PRRC2B: variants seen among roughly 807,000 people sequenced by gnomAD.
PRRC2B encodes the protein protein PRRC2B.
A neutral mutation model predicts 242.3 loss-of-function variants in PRRC2B; 68 were observed. The ratio of observed to expected loss-of-function variants is 0.28; its 90% CI spans 0.23 to 0.34. PRRC2B has a LOEUF of 0.34. PRRC2B is among the 10% of genes least tolerant of loss of function. The pLI is 1.00. For missense variants in PRRC2B, 2,835 were observed against 2,954.8 expected, an observed-to-expected ratio of 0.96 and a Z score of 0.94; for synonymous variants, 1,228 against 1,173.6, an observed-to-expected ratio of 1.05 and a Z score of -0.95.
At chr9:131,423,997 C>T (rs979874534) in intron 1 of PRRC2B, among the ~76,000 whole-genome samples, 1 of 152,080 alleles carries the variant, frequency 6.6e-6, no homozygotes, top group East Asian at 1.9e-4. Flanking sequence ...GTGCAGTGGC[C>T]CAATCTCCGT....
chr9:131,447,273 G>A (rs1838833800), intron 8 of PRRC2B, 67 bp downstream of exon 8: 6 of 1,584,114 alleles, frequency 3.8e-6, no homozygotes, highest in Non-Finnish European at 5.2e-6. Flanking sequence ...TCAAGATGAG[G>A]GGCTGATGAA....
chr9:131,484,042 A>G (rs1943946678), intron 23 of PRRC2B, among the ~76,000 whole-genome samples: 2 of 152,230 alleles, frequency 1.3e-5, no homozygotes, highest in Middle Eastern at 3.2e-3. Context: ...GTGCTGTACA[A>G]TATTCATAGG....
chr9:131,496,901 G>C lies in PRRC2B; in HGVS notation c.*1027G>C, dbSNP rs1408502916. 1 of 152,312 alleles carries C rather than the reference G, an allele frequency of 6.6e-6. No homozygotes were observed. The highest frequency in any genetic ancestry group is 1.5e-5 in the Non-Finnish European group (1 of 68,090). The allele number at this position is 152,312 out of a possible 1,614,324, so 9.4% of individuals were successfully genotyped here. A position where few individuals can be genotyped will look rare whatever the true frequency, so the allele number is the denominator to read the frequency against. On this transcript the variant is annotated 3_prime_UTR_variant, in exon 32 of 32. Transcript: ENST00000683519. ...CTTCTGGGGCTCCATACCCTGCCCT[G>C]CAGGGGTGCTGTGTTTTTCACACAT...
intron 2 of PRRC2B, among the ~76,000 whole-genome samples, chr9:131,430,505 A>ATATCTATAGATAGATAGATAGATATC (rs1373531458): frequency 3.7e-5 from 2 of 53,488 alleles, no homozygotes; most frequent in African/African-American, 9.8e-5. Flanking sequence ...ATATCTATAG[A>ATATCTATAGATAGATAGATAGATATC]TATCTATAGA....
At chr9:131,489,713 T>C (rs370628741) in intron 28 of PRRC2B, among the ~76,000 whole-genome samples, 67 of 152,338 alleles carry the variant, frequency 4.4e-4, no homozygotes, top group African/African-American at 1.5e-3. Context: ...CAAGCCCCTG[T>C]GGCCACATCC....
intron 22 of PRRC2B, 61 bp from the exon 23 acceptor site, chr9:131,483,298 T>C: frequency 1.4e-6 from 2 of 1,479,016 alleles, no homozygotes; most frequent in Non-Finnish European, 1.9e-6. Context: ...AATGTATGCC[T>C]CTGGGGAATG....
chr9:131,461,739 C>T (rs1033751930), intron 11 of PRRC2B, among the ~76,000 whole-genome samples: 2 of 152,164 alleles, frequency 1.3e-5, no homozygotes, highest in African/African-American at 4.8e-5. Flanking sequence ...CAGGGTTTTG[C>T]CATGTTGGCC....
At chr9:131,464,203 A>G (rs1388676990) in intron 11 of PRRC2B, among the ~76,000 whole-genome samples, 4 of 152,198 alleles carry the variant, frequency 2.6e-5, no homozygotes, top group African/African-American at 9.7e-5. Context: ...CAGACTCCCA[A>G]AGTGCTGGGA....
chr9:131,487,072 G>A lies in PRRC2B; in HGVS notation c.5857-95G>A. The A allele has an allele frequency of 9.1e-7, 1 of 1,093,506 alleles. No individual in the cohort carries two copies. The highest frequency in any genetic ancestry group is 1.4e-6 in the Non-Finnish European group (1 of 731,074). The allele number at this position is 1,093,506 out of a possible 1,614,324, so 67.7% of individuals were successfully genotyped here. On this transcript the variant is annotated intron_variant, in intron 26 of 31. Transcript: ENST00000683519. This position sits in a 1 kb window ranked among gnomAD's most constrained non-coding sequence, Gnocchi z 5.3. ...CATTTGAATTTTGGGCAGTGTTCCA[G>A]CAGCCATGTGGAGAGGGGCAGGGGA... is the stretch of plus-strand genomic sequence containing the variant.
In PRRC2B at chr9:131,475,027, AG is replaced by A. The variant is rs750109987; in HGVS notation, c.2902del (p.Glu968ArgfsTer77). On this transcript the variant is annotated frameshift_variant, in exon 16 of 32. Transcript: ENST00000683519. LOFTEE classifies it high-confidence loss of function. ...KELEKIKQEL[G>X]EESTRLAKEK... ...AGCTTGAGAAGATTAAGCAGGAGCT[AG>A]GGGAGGAGAGTACCCGGCTGGCCAA... 6.2e-7 allele frequency: 1 copy of A among 1,607,952 alleles called. No individual in the cohort carries two copies. Among genetic ancestry groups the A allele is most frequent in the East Asian group, 2.2e-5 (1 of 44,632 alleles).
At chr9:131,442,610 C>T (rs569318317) in intron 5 of PRRC2B, among the ~76,000 whole-genome samples, 1 of 152,278 alleles carries the variant, frequency 6.6e-6, no homozygotes, top group South Asian at 2.1e-4. Flanking sequence ...GCCTTTCCGG[C>T]ACAGTCGGCT....
At chr9:131,411,261 G>GGAA (rs1214928081) in intron 1 of PRRC2B, among the ~76,000 whole-genome samples, 3 of 151,894 alleles carry the variant, frequency 2.0e-5, no homozygotes, top group African/African-American at 7.3e-5. Flanking sequence ...TGTCGGCAGG[G>GGAA]GAAGAAAGCT....
intron 1 of PRRC2B, among the ~76,000 whole-genome samples, chr9:131,380,347 G>A (rs1450814711): frequency 1.3e-5 from 2 of 151,986 alleles, no homozygotes; most frequent in Non-Finnish European, 2.9e-5. Context: ...CGAGGCCGAG[G>A]CGAGCAGGTC....
rs1448047888 is a variant in PRRC2B, at chr9:131,467,589, A to ACCC, written c.1750_1752dup (p.Pro584dup). 1 of 1,610,700 alleles carries ACCC rather than the reference A, an allele frequency of 6.2e-7. No homozygotes were observed. The highest frequency in any genetic ancestry group is 1.3e-5 in the African/African-American group (1 of 74,620). ...CTCCCCAGAATTCCCTGCCCAAGAGACCCCCACCACATTCCCAGAAGAGGC... is the reference window on the plus strand; with the variant it reads ...CTCCCCAGAATTCCCTGCCCAAGAGACCCCCCCCACCACATTCCCAGAAGAGGC... On this transcript the variant is annotated inframe_insertion, in exon 13 of 32. Coordinates refer to ENST00000683519, the MANE Select transcript of PRRC2B (RefSeq NM_013318.4).
chr9:131,487,731 C>T lies in PRRC2B; in HGVS notation c.5985-125C>T, dbSNP rs145982693. 4.2e-4 allele frequency: 543 copies of T among 1,289,542 alleles called. 4 individuals carry two copies. In the African/African-American group the frequency reaches 6.9e-3, roughly 16 times the overall value. The allele number at this position is 1,289,542 out of a possible 1,614,324, so 79.9% of individuals were successfully genotyped here. On this transcript the variant is annotated intron_variant, in intron 27 of 31. Coordinates refer to ENST00000683519, the MANE Select transcript of PRRC2B (RefSeq NM_013318.4). This position sits in a 1 kb window ranked among gnomAD's most constrained non-coding sequence, Gnocchi z 5.3. ...AGGCCCCATCCTGGACCCTCTGAGT[C>T]GCGCTCTGGGGGTGGGGCCGGGGAT...
chr9:131,494,386 C>T lies in PRRC2B; in HGVS notation c.6474-19C>T. 1.4e-6 allele frequency: 2 copies of T among 1,459,104 alleles called. No individual in the cohort carries two copies. Among genetic ancestry groups the T allele is most frequent in the Non-Finnish European group, 1.9e-6 (2 of 1,054,368 alleles). The allele number at this position is 1,459,104 out of a possible 1,614,324, so 90.4% of individuals were successfully genotyped here. A position where few individuals can be genotyped will look rare whatever the true frequency, so the allele number is the denominator to read the frequency against. On this transcript the variant is annotated intron_variant, in intron 30 of 31. Coordinates refer to ENST00000683519, the MANE Select transcript of PRRC2B (RefSeq NM_013318.4). This position sits in a 1 kb window ranked among gnomAD's most constrained non-coding sequence, Gnocchi z 4.3. ...GTGACACGTTGTGTATTCTCAACCC[C>T]TGCCTTTGGTTTTTTCAGGCCTAGC...
At chr9:131,450,100 T>C (rs1027037527) in intron 9 of PRRC2B, among the ~76,000 whole-genome samples, 7 of 152,200 alleles carry the variant, frequency 4.6e-5, no homozygotes, top group African/African-American at 1.7e-4. Flanking sequence ...ACTGTGGGTT[T>C]ATAGTAAATC....
chr9:131,395,614 TGTTG>T (rs1333325025), intron 1 of PRRC2B, among the ~76,000 whole-genome samples: 1 of 152,168 alleles, frequency 6.6e-6, no homozygotes, highest in Admixed American at 6.5e-5. Context: ...CTCCTACGGT[TGTTG>T]GTATAACTGC....
chr9:131,487,807 G>A lies in PRRC2B; in HGVS notation c.5985-49G>A, dbSNP rs1457728887. ...ATCTCTGAAGGGTGGGACCAGATCCGCAGCTGGACTCATCCACCTGATCCC... is the reference window on the plus strand; with the variant it reads ...ATCTCTGAAGGGTGGGACCAGATCCACAGCTGGACTCATCCACCTGATCCC... On this transcript the variant is annotated intron_variant, in intron 27 of 31. Coordinates refer to ENST00000683519, the MANE Select transcript of PRRC2B (RefSeq NM_013318.4). This position sits in a 1 kb window ranked among gnomAD's most constrained non-coding sequence, Gnocchi z 5.3. 9 of 1,570,690 alleles carry A rather than the reference G, an allele frequency of 5.7e-6. No homozygotes were observed. The highest frequency in any genetic ancestry group is 2.3e-5 in the South Asian group (2 of 85,478).
Sources: allele counts gnomAD v4.1 joint callset (sites outside exome capture counted in the v4.1 genomes callset), GRCh38; gene constraint gnomAD v4.1.1; non-coding constraint Gnocchi (gnomAD v3.1); transcripts MANE v1.5; gene names NCBI Gene and HGNC (gene_info 2026-07-23, HGNC 2026-07-21).